EPG5: variants seen among roughly 807,000 people sequenced by gnomAD.
EPG5 encodes ectopic P-granules 5 autophagy tethering factor.
EPG5 carries 159 observed loss-of-function variants against 302.7 expected under a neutral mutation model. The ratio of observed to expected loss-of-function variants is 0.53; its 90% CI spans 0.46 to 0.60. The LOEUF is 0.60. EPG5 is among the 20% of genes least tolerant of loss of function. The pLI, the probability that EPG5 is intolerant of heterozygous loss-of-function variation, is 0.00. For synonymous variants in EPG5, 1,158 were observed against 1,136.8 expected (o/e 1.02, Z -0.37); for missense variants, 2,896 against 3,092.4 (o/e 0.94, Z 1.51).
rs768340765 is a variant in EPG5 at position 45,934,977 on chromosome 18, G to C, written c.2100-11C>G. ...AGCCAAATGCCAAGTCTGCATGTAA[G>C]CAGGAATCATTTTATTTATTAATCA... is the stretch of plus-strand genomic sequence containing the variant. On this transcript the variant is annotated splice_polypyrimidine_tract_variant and intron_variant, in intron 10 of 43. Coordinates refer to ENST00000282041, the MANE Select transcript of EPG5 (RefSeq NM_020964.3). 1 of 1,596,906 alleles carries C rather than the reference G, an allele frequency of 6.3e-7. No homozygotes were observed. Among genetic ancestry groups the C allele is most frequent in the Non-Finnish European group, 8.5e-7 (1 of 1,172,914 alleles).
At chr18:45,841,402 C>G in the EPG5 span, among the ~76,000 whole-genome samples, 1 of 151,946 alleles carries the variant, frequency 6.6e-6, no homozygotes, top group Non-Finnish European at 1.5e-5. Context: ...GGAGGGTGGA[C>G]GGGAGGAAGG....
At chr18:45,888,745 T>G (rs2049272304) in intron 28 of EPG5, among the ~76,000 whole-genome samples, 1 of 152,236 alleles carries the variant, frequency 6.6e-6, no homozygotes, top group African/African-American at 2.4e-5. Flanking sequence ...TGGCCGATTT[T>G]CAATACTTAG....
chr18:45,935,059 T>C, intron 10 of EPG5, 93 bp from the exon 11 acceptor site: 1 of 1,295,162 alleles, frequency 7.7e-7, no homozygotes, highest in Non-Finnish European at 1.1e-6. Context: ...AAAAAGATTC[T>C]TAAATCACAC....
chr18:45,953,499 G>A, intron 2 of EPG5: 3 of 985,326 alleles, frequency 3.0e-6, no homozygotes, highest in Non-Finnish European at 3.6e-6. Flanking sequence ...GGAATGACAT[G>A]TTTCTCCCCA....
chr18:45,924,269 C>A lies in EPG5; in HGVS notation c.2719-882G>T, dbSNP rs187102984. On this transcript the variant is annotated intron_variant, in intron 14 of 43. Coordinates refer to ENST00000282041, the MANE Select transcript of EPG5 (RefSeq NM_020964.3). ...TAACAAAGGCATAAGGAGACTCTCA[C>A]GCAGCTCTTCAAGAGGAGAGCCTAG... 1.5e-3 allele frequency among the ~76,000 whole-genome samples: 232 copies of A among 152,296 alleles called. 1 individual carries two copies. Among genetic ancestry groups the A allele is most frequent in the African/African-American group, 5.3e-3 (221 of 41,554 alleles).
intron 24 of EPG5, 129 bp from the exon 25 acceptor site, chr18:45,904,246 T>C (rs1170165632): frequency 1.0e-6 from 1 of 998,062 alleles, no homozygotes; most frequent in African/African-American, 1.7e-5. Context: ...TCCTCCACCA[T>C]TAGGATAAAT....
intron 9 of EPG5, among the ~76,000 whole-genome samples, chr18:45,940,891 A>C (rs2050651140): frequency 6.6e-6 from 1 of 152,198 alleles, no homozygotes; most frequent in African/African-American, 2.4e-5. Flanking sequence ...TGGGAGTAGT[A>C]GTTTGGGAAG....
At position 45,927,257 on chromosome 18, in the gene EPG5, T is replaced by C. The variant is rs544757327; in HGVS notation, c.2554-1355A>G. The stretch of plus-strand genomic sequence containing the variant: ...GATTTCACCGTGTTAGCCAGGATGG[T>C]CTCGATCTCCTGACCTCGTGATCCA... On this transcript the variant is annotated intron_variant, in intron 13 of 43. Coordinates refer to ENST00000282041, the MANE Select transcript of EPG5 (RefSeq NM_020964.3). Among the ~76,000 whole-genome samples, 28 of 152,220 alleles carry C rather than the reference T, an allele frequency of 1.8e-4. No homozygotes were observed. In the East Asian group the frequency reaches 4.8e-3, roughly 26 times the overall value.
intron 7 of EPG5, among the ~76,000 whole-genome samples, chr18:45,944,937 A>G (rs1347391919): frequency 6.6e-6 from 1 of 152,240 alleles, no homozygotes. Flanking sequence ...AACAGTGGTC[A>G]TACACAAAGA....
chr18:45,965,994 G>C (rs181582644), intron 1 of EPG5, among the ~76,000 whole-genome samples: 1 of 151,018 alleles, frequency 6.6e-6, no homozygotes, highest in Admixed American at 6.6e-5. Flanking sequence ...CGGAGGTTGC[G>C]GTGAGCCGAG....
intron 39 of EPG5, among the ~76,000 whole-genome samples, chr18:45,862,685 A>C (rs1277676595): frequency 6.6e-6 from 1 of 152,134 alleles, no homozygotes; most frequent in Non-Finnish European, 1.5e-5. Flanking sequence ...CCGTGATTGT[A>C]AGCTTCCTTA....
rs1253979449 is a variant in EPG5, at chr18:45,955,189, A to C, written c.213T>G (p.Asp71Glu). 6.2e-7 allele frequency: 1 copy of C among 1,614,172 alleles called. No homozygotes were observed. The change falls in exon 2 of 44, where the codon GAT becomes GAG. Residue 71 changes from aspartate to glutamate, a missense_variant. Asp to Glu is a conservative substitution (Grantham distance 45, BLOSUM62 2). Around this residue, in one of 5 missense-constraint regions of EPG5, gnomAD observed 1,390 missense variants for 1,430.0 expected, o/e 0.97. Transcript: ENST00000282041. ...TTTCACTCTCATTTTGTCCACTGGC[A>C]TCATCCTGGAGCTGGGAATCAGTTA... ...KVVTDSQLQD[D>E]ASGQNESEMF...
intron 1 of EPG5, among the ~76,000 whole-genome samples, chr18:45,966,586 C>A (rs1441185891): frequency 6.6e-6 from 1 of 152,066 alleles, no homozygotes; most frequent in Non-Finnish European, 1.5e-5. Context: ...AATTCAAACA[C>A]TTCCCTACTG....
Position 45,898,807 on chromosome 18 carries a change from T to C in EPG5, c.4809+597A>G, listed in dbSNP as rs2049536738. Among the ~76,000 whole-genome samples, 10 of 152,264 alleles carry C rather than the reference T, an allele frequency of 6.6e-5. No individual in the cohort carries two copies. The South Asian group carries it at 2.1e-3, about 32-fold the overall frequency. ...ATGGCCACTCCATTTCCAAATTCCT[T>C]CTAACTGTATCATCACCAAAGTCTT... On this transcript the variant is annotated intron_variant, in intron 27 of 43. Transcript: ENST00000282041.
chr18:45,828,919 C>T, the EPG5 span, among the ~76,000 whole-genome samples: 2 of 152,228 alleles, frequency 1.3e-5, no homozygotes, highest in Non-Finnish European at 2.9e-5. Flanking sequence ...GCTGGTGTCA[C>T]AGCCCAGGAG....
chr18:45,859,853 G>A (rs978293270), intron 40 of EPG5, among the ~76,000 whole-genome samples: 2 of 152,182 alleles, frequency 1.3e-5, no homozygotes, highest in African/African-American at 2.4e-5. Flanking sequence ...CAAAACTAAC[G>A]TGAAGTGGAT....
At position 45,922,337 on chromosome 18, in the gene EPG5, G is replaced by A; in HGVS notation, c.3098+4C>T. 1 of 1,614,150 alleles carries A rather than the reference G, an allele frequency of 6.2e-7. No individual in the cohort carries two copies. The stretch of plus-strand genomic sequence containing the variant: ...AACCCTAGTGGTTCAGCCCAACACT[G>A]TACCTGTGGCCCACAGCTGTCATAG... On this transcript the variant is annotated splice_donor_region_variant and intron_variant, in intron 16 of 43. Transcript: ENST00000282041.
chr18:45,930,770 A>T lies in EPG5; in HGVS notation c.2318T>A (p.Ile773Asn). The T allele has an allele frequency of 6.2e-7, 1 of 1,611,798 alleles. No individual in the cohort carries two copies. Among genetic ancestry groups the T allele is most frequent in the South Asian group, 1.1e-5 (1 of 90,424 alleles). The change falls in exon 12 of 44, where the codon ATT becomes AAT. Residue 773 changes from isoleucine to asparagine, a missense_variant. Ile to Asn is a moderately radical substitution (Grantham distance 149). Coordinates refer to ENST00000282041, the MANE Select transcript of EPG5 (RefSeq NM_020964.3). ...CTGAGCAAAGGTAGTCAGAAGGCAA[A>T]TCTCTTCTGAGCTATTCATAGAAGA... ...CLSSMNSSEEICLLTTFAQMA... is the reference protein window; with the variant it reads ...CLSSMNSSEENCLLTTFAQMA...
intron 35 of EPG5, among the ~76,000 whole-genome samples, chr18:45,874,035 AG>A (rs2094619117): frequency 6.6e-6 from 1 of 152,250 alleles, no homozygotes; most frequent in South Asian, 2.1e-4. Context: ...CAGAGCGCAG[AG>A]GATTTTTAAG....
Sources: gnomAD v4.1 joint callset for allele counts (sites outside exome capture counted in the v4.1 genomes callset) on GRCh38, gnomAD v4.1.1 for gene constraint, gnomAD v4.1.1 regional missense constraint, MANE v1.5 for transcripts, NCBI Gene and HGNC (gene_info 2026-07-23, HGNC 2026-07-21) for gene names.